ANKRD11: variants seen among roughly 807,000 people sequenced by gnomAD.
ANKRD11 encodes the protein ankyrin repeat domain 11.
A neutral mutation model predicts 195.7 loss-of-function variants in ANKRD11; 17 were observed. That is an observed-to-expected ratio of 0.09 (90% CI 0.06 to 0.13). ANKRD11 has a LOEUF of 0.13. Among genes scored for constraint, ANKRD11 ranks in the 10% least tolerant of loss-of-function variants. ANKRD11 has a pLI of 1.00. For missense variants in ANKRD11, 3,735 were observed against 3,566.1 expected (o/e 1.05, Z -1.21); for synonymous variants, 1,953 against 1,528.1 (o/e 1.28, Z -6.49).
intron 2 of ANKRD11, among the ~76,000 whole-genome samples, chr16:89,414,178 C>T (rs899175025): frequency 6.6e-6 from 1 of 152,220 alleles, no homozygotes; most frequent in Non-Finnish European, 1.5e-5. Flanking sequence ...ACTTTTCCAT[C>T]TTAAATGGAG....
At chr16:89,307,007 C>T (rs973239669) in intron 3 of ANKRD11, among the ~76,000 whole-genome samples, 2 of 151,084 alleles carry the variant, frequency 1.3e-5, no homozygotes, top group Non-Finnish European at 3.0e-5. Context: ...GCGCTCGGGA[C>T]GTGGGGAGGG....
At chr16:89,309,297 G>A (rs1052618338) in intron 3 of ANKRD11, among the ~76,000 whole-genome samples, 1 of 152,206 alleles carries the variant, frequency 6.6e-6, no homozygotes, top group Non-Finnish European at 1.5e-5. Context: ...ACACTGTGGA[G>A]CAACTGATGT....
chr16:89,316,685 A>G (rs1156581820), intron 3 of ANKRD11, among the ~76,000 whole-genome samples: 1 of 152,234 alleles, frequency 6.6e-6, no homozygotes, highest in Non-Finnish European at 1.5e-5. Flanking sequence ...ATTGAGGCTC[A>G]GGCCAACTTC....
Position 89,306,310 on chromosome 16 carries a change from C to T in ANKRD11, c.88-966G>A, listed in dbSNP as rs1302394755. Among the ~76,000 whole-genome samples, 19 of 90,874 alleles carry T rather than the reference C, an allele frequency of 2.1e-4. 1 individual carries two copies. The highest frequency in any genetic ancestry group is 3.8e-4 in the Non-Finnish European group (18 of 47,858). The allele number at this position is 90,874 out of a possible 152,430, so 59.6% of individuals were successfully genotyped here. A position where few individuals can be genotyped will look rare whatever the true frequency, so the allele number is the denominator to read the frequency against. On this transcript the variant is annotated intron_variant, in intron 3 of 12. Coordinates refer to ENST00000301030, the MANE Select transcript of ANKRD11 (RefSeq NM_013275.6). Reference sequence around the variant, plus strand: ...GACACACGCCACCTACCTCCCCCTCCGCAGACACGTGCCACCTCCCACTCC... The same window carrying T: ...GACACACGCCACCTACCTCCCCCTCTGCAGACACGTGCCACCTCCCACTCC...
intron 2 of ANKRD11, among the ~76,000 whole-genome samples, chr16:89,396,308 T>C (rs1479267950): frequency 6.6e-6 from 1 of 152,184 alleles, no homozygotes; most frequent in Non-Finnish European, 1.5e-5. Flanking sequence ...GTGCACACTG[T>C]GTGCTGACCT....
rs768300352 is a variant in ANKRD11, at chr16:89,280,862, G to T, written c.5680C>A (p.Pro1894Thr). 8.7e-6 allele frequency: 14 copies of T among 1,604,820 alleles called. No individual in the cohort carries two copies. In the East Asian group the frequency reaches 2.9e-4, roughly 33 times the overall value. Reference protein sequence around the residue: ...SSLQAKPSPSPRAELLVPSLE... With the variant: ...SSLQAKPSPSTRAELLVPSLE... ...GAAGGAACCAGCAGCTCGGCTCTGG[G>T]GGAAGGGGAAGGTTTTGCTTGTAAA... is the stretch of plus-strand genomic sequence containing the variant. The change falls in exon 9 of 13, where the codon CCC becomes ACC. Residue 1894 changes from proline to threonine, a missense_variant. Physicochemically the swap from Pro to Thr is conservative, Grantham distance 38. Coordinates refer to ENST00000301030, the MANE Select transcript of ANKRD11 (RefSeq NM_013275.6).
At chr16:89,439,676 C>G (rs1007653939) in intron 1 of ANKRD11, among the ~76,000 whole-genome samples, 1 of 152,192 alleles carries the variant, frequency 6.6e-6, no homozygotes, top group Non-Finnish European at 1.5e-5. Context: ...CTACACCACT[C>G]ACACACAACA....
rs536526152 is a variant in ANKRD11, at chr16:89,465,512, C to T, written c.-145+24733G>A. The stretch of plus-strand genomic sequence containing the variant: ...GCCTTTCTGTGCCACACCGCCCGCC[C>T]GCACACATCCGCGGAAAGCCTGCTT... On this transcript the variant is annotated intron_variant, in intron 1 of 12. Coordinates refer to ENST00000301030, the MANE Select transcript of ANKRD11 (RefSeq NM_013275.6). 2.0e-5 allele frequency among the ~76,000 whole-genome samples: 3 copies of T among 152,276 alleles called. No homozygotes were observed. In the East Asian group the frequency reaches 5.8e-4, roughly 29 times the overall value.
In ANKRD11 at chr16:89,280,840, G is replaced by A; in HGVS notation, c.5702C>T (p.Pro1901Leu). Residue 1901 changes from proline (P) to leucine (L), a missense_variant, in exon 9 of 13, where the codon CCT (proline) becomes CTT (leucine). Transcript: ENST00000301030. ...SPSPRAELLVPSLEGALPPDL... is the reference protein window; with the variant it reads ...SPSPRAELLVLSLEGALPPDL... ...CGGGGGAAGGGCCCCTTCGAGGGAAGGAACCAGCAGCTCGGCTCTGGGGGA... is the reference window on the plus strand; with the variant it reads ...CGGGGGAAGGGCCCCTTCGAGGGAAAGAACCAGCAGCTCGGCTCTGGGGGA... 6.2e-7 allele frequency: 1 copy of A among 1,601,480 alleles called. No individual in the cohort carries two copies. The highest frequency in any genetic ancestry group is 8.5e-7 in the Non-Finnish European group (1 of 1,170,552).
In ANKRD11 at chr16:89,271,300, C is replaced by T. The variant is rs141947526; in HGVS notation, c.7714-391G>A. 4.4e-5 allele frequency: 14 copies of T among 315,164 alleles called. No homozygotes were observed. The East Asian group carries it at 5.1e-4, about 12-fold the overall frequency. The allele number at this position is 315,164 out of a possible 1,614,324, so 19.5% of individuals were successfully genotyped here. On this transcript the variant is annotated intron_variant, in intron 11 of 12. Transcript: ENST00000301030. ...TTGCCCAGGCTGGAGTGCAATGGCG[C>T]GATCCTGGCTCACCGCAGCCTCCAC...
At chr16:89,418,513 T>C in intron 1 of ANKRD11, 145 bp from the exon 2 acceptor site, 1 of 271,380 alleles carries the variant, frequency 3.7e-6, no homozygotes, top group Non-Finnish European at 7.6e-6. Flanking sequence ...TCCTGGTCAC[T>C]GTGCCAAGGC....
In ANKRD11 at chr16:89,267,925, GCT is replaced by G. The variant is rs1164006926; in HGVS notation, c.*551_*552del. On this transcript the variant is annotated 3_prime_UTR_variant, in exon 13 of 13. Transcript: ENST00000301030. ...CATTTCAATACGGCTGGGAGTCCTG[GCT>G]CTGTGTCCCTCCGCCTGGCTCCGCA... 6.2e-6 allele frequency: 1 copy of G among 160,020 alleles called. No homozygotes were observed. Among genetic ancestry groups the G allele is most frequent in the African/African-American group, 2.4e-5 (1 of 41,508 alleles). 9.9% of individuals were successfully genotyped at this position (160,020 alleles called of 1,614,324 possible).
At position 89,275,165 on chromosome 16, in the gene ANKRD11, C is replaced by T. The variant is rs1478554124; in HGVS notation, c.7497G>A (p.Glu2499=). The T allele has an allele frequency of 2.4e-5, 39 of 1,610,186 alleles. No homozygotes were observed. The highest frequency in any genetic ancestry group is 3.0e-5 in the Non-Finnish European group (35 of 1,178,726). ...PVIAPPPSLA[E]PLKELFRQQE... The stretch of plus-strand genomic sequence containing the variant: ...GCTGCCTGAACAGCTCCTTCAGGGG[C>T]TCCGCCAGGGAGGGAGGGGGTGCGA... The change falls in exon 10 of 13, where the codon GAG becomes GAA. Residue 2499 remains glutamate, a synonymous_variant. Coordinates refer to ENST00000301030, the MANE Select transcript of ANKRD11 (RefSeq NM_013275.6).
chr16:89,350,223 C>T lies in ANKRD11; in HGVS notation c.-59-33145G>A, dbSNP rs990534704. On this transcript the variant is annotated intron_variant, in intron 2 of 12. Transcript: ENST00000301030. Reference sequence around the variant, plus strand: ...CAGAGCAGATGGAATTCCCATTCAACGCTGGTGGGAACACAAAACTGAGTG... The same window carrying T: ...CAGAGCAGATGGAATTCCCATTCAATGCTGGTGGGAACACAAAACTGAGTG... Among the ~76,000 whole-genome samples the T allele has an allele frequency of 4.6e-5, 7 of 152,156 alleles. No individual in the cohort carries two copies. The East Asian group carries it at 5.8e-4, about 13-fold the overall frequency.
At position 89,401,252 on chromosome 16, in the gene ANKRD11, G is replaced by A. The variant is rs894959801; in HGVS notation, c.-60+17032C>T. ...CGCCACCACGCCCGGCTAACATTTGGATTTTTAGTAGAGACCGGGTTTCGC... is the reference window on the plus strand; with the variant it reads ...CGCCACCACGCCCGGCTAACATTTGAATTTTTAGTAGAGACCGGGTTTCGC... On this transcript the variant is annotated intron_variant, in intron 2 of 12. Coordinates refer to ENST00000301030, the MANE Select transcript of ANKRD11 (RefSeq NM_013275.6). Among the ~76,000 whole-genome samples the A allele has an allele frequency of 6.6e-5, 10 of 152,136 alleles. No homozygotes were observed. In the South Asian group the frequency reaches 8.3e-4, roughly 13 times the overall value.
chr16:89,393,387 A>G (rs2041285171), intron 2 of ANKRD11, among the ~76,000 whole-genome samples: 2 of 149,534 alleles, frequency 1.3e-5, no homozygotes, highest in South Asian at 2.1e-4. Context: ...ACAGTGGCGC[A>G]ATATTGGCTC....
At chr16:89,377,807 T>C (rs2040486441) in intron 2 of ANKRD11, among the ~76,000 whole-genome samples, 1 of 151,948 alleles carries the variant, frequency 6.6e-6, no homozygotes, top group African/African-American at 2.4e-5. Flanking sequence ...ACAAAGCACT[T>C]CGTAAGTTAC....
At chr16:89,369,304 T>A (rs561173753) in intron 2 of ANKRD11, among the ~76,000 whole-genome samples, 1 of 152,304 alleles carries the variant, frequency 6.6e-6, no homozygotes, top group East Asian at 1.9e-4. Context: ...CTCGCAGGTC[T>A]GTGTTCACAG....
chr16:89,285,162 T>C lies in ANKRD11; in HGVS notation c.1380A>G (p.Lys460=), dbSNP rs757210049. 3 of 1,613,478 alleles carry C rather than the reference T, an allele frequency of 1.9e-6. No individual in the cohort carries two copies. The highest frequency in any genetic ancestry group is 2.5e-6 in the Non-Finnish European group (3 of 1,180,012). Residue 460 remains lysine, a synonymous_variant, in exon 9 of 13, where the codon AAA becomes AAG. Transcript: ENST00000301030. The surrounding 1 kb of genome is among the most constrained non-coding windows in gnomAD (Gnocchi z 5.6). ...AGCGAACCTCTCTGCCTTTTGTTTCTTTCTTTCGCTTCTTTTTCACTTTAT... is the reference window on the plus strand; with the variant it reads ...AGCGAACCTCTCTGCCTTTTGTTTCCTTCTTTCGCTTCTTTTTCACTTTAT... ...EKNKVKKKRK[K]ETKGREVRFG...
Sources: allele counts gnomAD v4.1 joint callset (sites outside exome capture counted in the v4.1 genomes callset), GRCh38; gene constraint gnomAD v4.1.1; non-coding constraint Gnocchi (gnomAD v3.1); transcripts MANE v1.5; gene names NCBI Gene and HGNC (gene_info 2026-07-23, HGNC 2026-07-21).